The following CTNNA3 variants were observed in gnomAD, a reference collection of about 807,000 sequenced individuals.
CTNNA3 encodes the protein catenin alpha 3, also known as catenin alpha-3.
CTNNA3 carries 76 observed loss-of-function variants against 95.7 expected under a neutral mutation model. The ratio of observed to expected loss-of-function variants is 0.79; its 90% confidence interval spans 0.66 to 0.96. The LOEUF (loss-of-function observed/expected upper bound fraction) is 0.96, where lower values mean the gene tolerates loss of function less well. CTNNA3 is among the 40% of genes least tolerant of loss of function. The pLI is 0.00. For synonymous variants in CTNNA3, 431 were observed against 374.4 expected (o/e 1.15, Z -1.74); for missense variants, 1,191 against 1,089.8 (o/e 1.09, Z -1.31).
intron 7 of CTNNA3, among the ~76,000 whole-genome samples, chr10:66,914,495 A>G (rs530765477): frequency 6.6e-6 from 1 of 151,828 alleles, no homozygotes; most frequent in African/African-American, 2.4e-5. Flanking sequence ...CGAACTGGCT[A>G]AATTACCTCA....
chr10:66,476,296 T>G (rs1668784681), intron 11 of CTNNA3, among the ~76,000 whole-genome samples: 1 of 152,028 alleles, frequency 6.6e-6, no homozygotes, highest in Admixed American at 6.6e-5. Flanking sequence ...GGTTGACAGG[T>G]GTGACAAACC....
intron 9 of CTNNA3, among the ~76,000 whole-genome samples, chr10:66,726,451 T>C (rs1378973653): frequency 6.6e-6 from 1 of 152,124 alleles, no homozygotes; most frequent in Non-Finnish European, 1.5e-5. Flanking sequence ...AAAGTTCCTA[T>C]AACAATTGAG....
chr10:66,503,272 A>G (rs1037953846), intron 11 of CTNNA3, among the ~76,000 whole-genome samples: 2 of 152,168 alleles, frequency 1.3e-5, no homozygotes, highest in Non-Finnish European at 2.9e-5. Context: ...TGGTTGTTCT[A>G]TCTTTAAAAC....
chr10:66,856,286 T>G (rs1193785359), intron 7 of CTNNA3, among the ~76,000 whole-genome samples: 1 of 152,118 alleles, frequency 6.6e-6, no homozygotes, highest in Non-Finnish European at 1.5e-5. Context: ...TTCCATGTTG[T>G]ATATGTACCA....
chr10:66,502,816 G>A (rs1277709081), intron 11 of CTNNA3, among the ~76,000 whole-genome samples: 1 of 151,934 alleles, frequency 6.6e-6, no homozygotes, highest in Non-Finnish European at 1.5e-5. Flanking sequence ...GGGGATTCCT[G>A]GCAACATAAC....
intron 14 of CTNNA3, among the ~76,000 whole-genome samples, chr10:66,091,915 C>T (rs10822714): frequency 0.23 from 35,622 of 151,686 alleles, 4,327 homozygotes; most frequent in South Asian, 0.36. Flanking sequence ...TAAAGCTATG[C>T]ATATAAGATA....
At chr10:67,507,133 T>C (rs1289779850) in intron 5 of CTNNA3, among the ~76,000 whole-genome samples, 1 of 152,028 alleles carries the variant, frequency 6.6e-6, no homozygotes, top group Admixed American at 6.6e-5. Flanking sequence ...TGGCAAGAAA[T>C]TGGATAACTT....
chr10:66,171,824 AG>A (rs2085447847), intron 13 of CTNNA3, among the ~76,000 whole-genome samples: 1 of 152,162 alleles, frequency 6.6e-6, no homozygotes, highest in Non-Finnish European at 1.5e-5. Flanking sequence ...TTACATACTT[AG>A]TACAATTAAA....
At chr10:66,070,114 T>C (rs1484734379) in intron 14 of CTNNA3, among the ~76,000 whole-genome samples, 5 of 152,194 alleles carry the variant, frequency 3.3e-5, no homozygotes, top group Admixed American at 6.6e-5. Context: ...TCATTTTGTT[T>C]GTATTTTTTC....
At chr10:66,759,191 G>C (rs1051885602) in intron 9 of CTNNA3, among the ~76,000 whole-genome samples, 1 of 151,900 alleles carries the variant, frequency 6.6e-6, no homozygotes, top group Admixed American at 6.6e-5. Context: ...CAAGATTTTT[G>C]AAAAAAACAT....
intron 5 of CTNNA3, among the ~76,000 whole-genome samples, chr10:67,463,964 C>A (rs377267764): frequency 6.6e-6 from 1 of 152,154 alleles, no homozygotes; most frequent in Admixed American, 6.5e-5. Context: ...TTCTCATGAT[C>A]CTCAATTATG....
intron 5 of CTNNA3, among the ~76,000 whole-genome samples, chr10:67,444,625 C>T (rs1295745477): frequency 1.3e-5 from 2 of 151,404 alleles, no homozygotes; most frequent in African/African-American, 4.9e-5. Context: ...TTTTGAAAGC[C>T]TAAACAAAAT....
rs772649297 is a variant in CTNNA3 at position 67,665,983 on chromosome 10, G to C, written c.-5-18465C>G. On this transcript the variant is annotated intron_variant, in intron 1 of 17. Transcript: ENST00000433211. The stretch of plus-strand genomic sequence containing the variant: ...ATGTTATATGATACTTCCCTGAAGC[G>C]ATCAAGCTTTCAGGTTACTTAAGAA... 5.2e-4 allele frequency among the ~76,000 whole-genome samples: 79 copies of C among 152,136 alleles called. 4 individuals carry two copies. Among genetic ancestry groups the C allele is most frequent in the Non-Finnish European group, 2.4e-4 (16 of 68,016 alleles).
At chr10:67,144,992 G>T (rs1197238180) in intron 7 of CTNNA3, among the ~76,000 whole-genome samples, 1 of 151,980 alleles carries the variant, frequency 6.6e-6, no homozygotes. Context: ...ATACTTAGAG[G>T]GCACTGTAGG....
chr10:66,017,952 C>T (rs1473935936), intron 15 of CTNNA3, among the ~76,000 whole-genome samples: 1 of 151,900 alleles, frequency 6.6e-6, no homozygotes, highest in African/African-American at 2.4e-5. Context: ...ATTTTGTTAT[C>T]ATAGTGAGGT....
intron 2 of CTNNA3, among the ~76,000 whole-genome samples, chr10:67,625,458 A>G (rs933416588): frequency 2.0e-5 from 3 of 152,160 alleles, no homozygotes; most frequent in Admixed American, 6.5e-5. Flanking sequence ...TTATACTGCC[A>G]CTTATACTGT....
chr10:66,450,277 A>AT (rs911519482), intron 11 of CTNNA3, among the ~76,000 whole-genome samples: 1 of 152,166 alleles, frequency 6.6e-6, no homozygotes, highest in African/African-American at 2.4e-5. Flanking sequence ...GAGTTTTGGT[A>AT]TTTTTTCCAG....
intron 7 of CTNNA3, among the ~76,000 whole-genome samples, chr10:67,047,015 T>C (rs987444319): frequency 1.3e-5 from 2 of 152,224 alleles, no homozygotes; most frequent in Non-Finnish European, 2.9e-5. Flanking sequence ...GCAATATGTT[T>C]GGAACATATA....
At chr10:67,562,487 C>A (rs547500341) in intron 3 of CTNNA3, among the ~76,000 whole-genome samples, 4 of 152,212 alleles carry the variant, frequency 2.6e-5, no homozygotes, top group African/African-American at 9.6e-5. Flanking sequence ...TGGGACATAT[C>A]TCAAAATAAT....
Sources: gnomAD v4.1 joint callset for allele counts (sites outside exome capture counted in the v4.1 genomes callset) on GRCh38, gnomAD v4.1.1 for gene constraint, MANE v1.5 for transcripts, NCBI Gene and HGNC (gene_info 2026-07-23, HGNC 2026-07-21) for gene names.